The following RTRAF variants were observed in gnomAD, a reference collection of about 807,000 sequenced individuals.
RTRAF encodes RNA transcription, translation and transport factor, also known as tRNA-splicing ligase complex subunit RTRAF.
In RTRAF, 14 loss-of-function variants were observed where a neutral mutation model predicts 34.4. That is an observed-to-expected ratio of 0.41 (90% CI 0.27 to 0.64). RTRAF has a LOEUF of 0.64. Among genes scored for constraint, RTRAF ranks in the 30% least tolerant of loss-of-function variants. The pLI is 0.34. For missense variants in RTRAF, 291 were observed against 288.4 expected (o/e 1.01, Z -0.06); for synonymous variants, 96 against 95.3 (o/e 1.01, Z -0.04).
At position 52,010,687 on chromosome 14, in the gene RTRAF, T is replaced by A. The variant is rs917351838; in HGVS notation, c.*6171T>A. On this transcript the variant is annotated 3_prime_UTR_variant, in exon 8 of 8. Transcript: ENST00000261700. ...TCCTCCTAATAAAATATAAGTGCCA[T>A]GAAAGAACAGACCTTGTCTTTTCCT... 1 of 557,062 alleles carries A rather than the reference T, an allele frequency of 1.8e-6. No homozygotes were observed. The highest frequency in any genetic ancestry group is 3.2e-6 in the Non-Finnish European group (1 of 314,080). 34.5% of individuals were successfully genotyped at this position (557,062 alleles called of 1,614,324 possible). A position where few individuals can be genotyped will look rare whatever the true frequency, so the allele number is the denominator to read the frequency against.
In RTRAF at chr14:52,006,972, A is replaced by AG. The variant is rs1890809988; in HGVS notation, c.*2456_*2457insG. 4.8e-6 allele frequency: 1 copy of AG among 208,218 alleles called. No homozygotes were observed. The highest frequency in any genetic ancestry group is 2.3e-5 in the African/African-American group (1 of 43,122). The allele number at this position is 208,218 out of a possible 1,614,324, so 12.9% of individuals were successfully genotyped here. A position where few individuals can be genotyped will look rare whatever the true frequency, so the allele number is the denominator to read the frequency against. ...TTTCAAGCCTTAGCTTATAAATTAT[A>AG]ACATCTGGGTAAATACTTGCCCTTT... On this transcript the variant is annotated 3_prime_UTR_variant, in exon 8 of 8. Transcript: ENST00000261700.
rs1890942286 is a variant in RTRAF at position 52,009,914 on chromosome 14, G to A, written c.*5398G>A. Reference sequence around the variant, plus strand: ...AGGCAGGAGAATTGCTTGAACCCGGGAGATGGAGGTTGTAGTCAGCCGAGA... The same window carrying A: ...AGGCAGGAGAATTGCTTGAACCCGGAAGATGGAGGTTGTAGTCAGCCGAGA... On this transcript the variant is annotated 3_prime_UTR_variant, in exon 8 of 8. Transcript: ENST00000261700. 6.6e-6 allele frequency: 1 copy of A among 151,992 alleles called. No individual in the cohort carries two copies. The highest frequency in any genetic ancestry group is 1.5e-5 in the Non-Finnish European group (1 of 68,100). 9.4% of individuals were successfully genotyped at this position (151,992 alleles called of 1,614,324 possible). A position where few individuals can be genotyped will look rare whatever the true frequency, so the allele number is the denominator to read the frequency against.
intron 4 of RTRAF, 74 bp from the exon 5 acceptor site, chr14:51,999,634 G>A (rs1890571254): frequency 1.9e-6 from 2 of 1,044,130 alleles, no homozygotes; most frequent in African/African-American, 1.6e-5. Flanking sequence ...AAATGTTTTT[G>A]TATGTTCACA....
At position 52,005,016 on chromosome 14, in the gene RTRAF, G is replaced by GAAACTATAAATAATTGGTCCTTTC. The variant is rs2140334054; in HGVS notation, c.*501_*524dup. Reference sequence around the variant, plus strand: ...TAAAAAATCTTAGAACTTTTGTTGGGAAACTATAAATAATTGGTCCTTTCC... The same window carrying GAAACTATAAATAATTGGTCCTTTC: ...TAAAAAATCTTAGAACTTTTGTTGGGAAACTATAAATAATTGGTCCTTTCAAACTATAAATAATTGGTCCTTTCC... On this transcript the variant is annotated 3_prime_UTR_variant, in exon 8 of 8. Coordinates refer to ENST00000261700, the MANE Select transcript of RTRAF (RefSeq NM_016039.3). 6.4e-6 allele frequency: 1 copy of GAAACTATAAATAATTGGTCCTTTC among 157,390 alleles called. No individual in the cohort carries two copies. Among genetic ancestry groups the GAAACTATAAATAATTGGTCCTTTC allele is most frequent in the East Asian group, 1.9e-4 (1 of 5,284 alleles). The allele number at this position is 157,390 out of a possible 1,614,324, so 9.7% of individuals were successfully genotyped here. A position where few individuals can be genotyped will look rare whatever the true frequency, so the allele number is the denominator to read the frequency against.
Position 52,001,188 on chromosome 14 carries a change from T to C in RTRAF, c.463-610T>C, listed in dbSNP as rs537013733. Among the ~76,000 whole-genome samples the C allele has an allele frequency of 4.1e-4, 62 of 152,328 alleles. 1 individual carries two copies. Among genetic ancestry groups the C allele is most frequent in the African/African-American group, 1.5e-3 (61 of 41,574 alleles). ...TAAGTTTTCACACTTATTTTTGAGTTGTAATTGTCATCTTCCTAATTAAAA... is the reference window on the plus strand; with the variant it reads ...TAAGTTTTCACACTTATTTTTGAGTCGTAATTGTCATCTTCCTAATTAAAA... On this transcript the variant is annotated intron_variant, in intron 5 of 7. Coordinates refer to ENST00000261700, the MANE Select transcript of RTRAF (RefSeq NM_016039.3).
chr14:51,999,854 T>C (rs1169530908), intron 5 of RTRAF, 58 bp downstream of exon 5: 7 of 1,227,796 alleles, frequency 5.7e-6, no homozygotes, highest in Non-Finnish European at 8.2e-6. Flanking sequence ...AATGTCTTTA[T>C]TTTCTAAATA....
At position 52,008,182 on chromosome 14, in the gene RTRAF, TG is replaced by T. The variant is rs1156405146; in HGVS notation, c.*3668del. 1 of 450,400 alleles carries T rather than the reference TG, an allele frequency of 2.2e-6. No homozygotes were observed. Among genetic ancestry groups the T allele is most frequent in the African/African-American group, 2.0e-5 (1 of 49,638 alleles). The allele number at this position is 450,400 out of a possible 1,614,324, so 27.9% of individuals were successfully genotyped here. A position where few individuals can be genotyped will look rare whatever the true frequency, so the allele number is the denominator to read the frequency against. ...CTGCCGATATTCGGTCTCAAAAAAC[TG>T]GTTTCTGCCTTAGGGGCTCTCTCTT... On this transcript the variant is annotated 3_prime_UTR_variant, in exon 8 of 8. Transcript: ENST00000261700.
At chr14:52,002,209 A>G (rs1208951886) in intron 6 of RTRAF, among the ~76,000 whole-genome samples, 1 of 152,236 alleles carries the variant, frequency 6.6e-6, no homozygotes, top group African/African-American at 2.4e-5. Flanking sequence ...GCTGGAGAAG[A>G]AGGAACACAC....
rs1890815953 is a variant in RTRAF, at chr14:52,007,109, A to C, written c.*2593A>C. 6.5e-6 allele frequency: 1 copy of C among 154,820 alleles called. No homozygotes were observed. The highest frequency in any genetic ancestry group is 1.4e-5 in the Non-Finnish European group (1 of 69,624). 9.6% of individuals were successfully genotyped at this position (154,820 alleles called of 1,614,324 possible). On this transcript the variant is annotated 3_prime_UTR_variant, in exon 8 of 8. Transcript: ENST00000261700. ...TGACTAAAATGGTAACATAACTCAT[A>C]TTTCAATGTAAAGGAATCAGTCTTA...
chr14:51,993,879 G>A, intron 3 of RTRAF, 57 bp downstream of exon 3: 1 of 1,076,580 alleles, frequency 9.3e-7, no homozygotes, highest in Non-Finnish European at 1.4e-6. Flanking sequence ...GAAAGGGAGT[G>A]TGAAAATGTA....
At chr14:51,995,531 A>G (rs1260283349) in intron 3 of RTRAF, among the ~76,000 whole-genome samples, 1 of 152,172 alleles carries the variant, frequency 6.6e-6, no homozygotes, top group African/African-American at 2.4e-5. Context: ...CATGTAAGGT[A>G]ACACATACAC....
chr14:51,992,464 TTTG>T (rs1430404773), intron 2 of RTRAF, among the ~76,000 whole-genome samples: 1 of 152,188 alleles, frequency 6.6e-6, no homozygotes, highest in Non-Finnish European at 1.5e-5. Flanking sequence ...TAAGTGTGGC[TTTG>T]TTTTTAATGA....
intron 5 of RTRAF, 98 bp downstream of exon 5, chr14:51,999,894 A>G (rs1890575424): frequency 1.3e-6 from 1 of 782,812 alleles, no homozygotes; most frequent in East Asian, 2.7e-5. Context: ...TTATGGTTGA[A>G]TGACTAAAAT....
rs1197043521 is a variant in RTRAF, at chr14:52,005,952, G to GCCTT, written c.*1438_*1441dup. On this transcript the variant is annotated 3_prime_UTR_variant, in exon 8 of 8. Transcript: ENST00000261700. Reference sequence around the variant, plus strand: ...TTGCAATAGAGGAAAATTTCTGGCAGCCTTCTCTGTCCCAGGGCTGGTGCT... The same window carrying GCCTT: ...TTGCAATAGAGGAAAATTTCTGGCAGCCTTCCTTCTCTGTCCCAGGGCTGGTGCT... 1.3e-6 allele frequency: 1 copy of GCCTT among 798,548 alleles called. No individual in the cohort carries two copies. The highest frequency in any genetic ancestry group is 2.1e-6 in the Non-Finnish European group (1 of 468,068). 49.5% of individuals were successfully genotyped at this position (798,548 alleles called of 1,614,324 possible). A position where few individuals can be genotyped will look rare whatever the true frequency, so the allele number is the denominator to read the frequency against.
rs573889331 is a variant in RTRAF at position 52,004,313 on chromosome 14, T to A, written c.581-49T>A. On this transcript the variant is annotated intron_variant, in intron 7 of 7. Transcript: ENST00000261700. ...ATACTTGGGAGGAAATAAATGGCCT[T>A]AAATGTAAAAATTATGTATTGAAGC... The A allele has an allele frequency of 3.8e-5, 60 of 1,561,176 alleles. No homozygotes were observed. In the South Asian group the frequency reaches 5.5e-4, roughly 14 times the overall value.
rs1890929573 is a variant in RTRAF, at chr14:52,009,624, CCCAGACT to C, written c.*5114_*5120del. 1 of 152,048 alleles carries C rather than the reference CCCAGACT, an allele frequency of 6.6e-6. No individual in the cohort carries two copies. Among genetic ancestry groups the C allele is most frequent in the Admixed American group, 6.5e-5 (1 of 15,276 alleles). 9.4% of individuals were successfully genotyped at this position (152,048 alleles called of 1,614,324 possible). A position where few individuals can be genotyped will look rare whatever the true frequency, so the allele number is the denominator to read the frequency against. On this transcript the variant is annotated 3_prime_UTR_variant, in exon 8 of 8. Coordinates refer to ENST00000261700, the MANE Select transcript of RTRAF (RefSeq NM_016039.3). ...TTTCAGCTTAAAAGTATGCTTTTTC[CCCAGACT>C]CCAGAGACATGGCCAAAGTTTCATT... is the stretch of plus-strand genomic sequence containing the variant.
rs776962829 is a variant in RTRAF at position 51,993,821 on chromosome 14, T to C, written c.285T>C (p.Asn95=). ...GLAVRLEYGD[N]AEKYKDLVPD... is the part of the protein sequence containing the mutation. ...CTGTTAGACTTGAATATGGAGATAA[T>C]GGTACGTTTTGTGGGGAATGTGTAT... Residue 95 remains asparagine (N), a splice_region_variant and synonymous_variant, in exon 3 of 8, where the codon AAT becomes AAC. Transcript: ENST00000261700. The C allele has an allele frequency of 1.3e-6, 2 of 1,536,254 alleles. No individual in the cohort carries two copies. The highest frequency in any genetic ancestry group is 1.4e-5 in the African/African-American group (1 of 72,226).
intron 3 of RTRAF, chr14:51,997,777 GAT>G (rs1314266855): frequency 9.5e-6 from 1 of 105,776 alleles, no homozygotes; most frequent in East Asian, 4.1e-4. Flanking sequence ...TTCAAAAGAA[GAT>G]GGGGGGAAGC....
chr14:52,001,344 T>G (rs1450783274), intron 5 of RTRAF, among the ~76,000 whole-genome samples: 1 of 151,744 alleles, frequency 6.6e-6, no homozygotes, highest in African/African-American at 2.4e-5. Context: ...TTTACTAGAG[T>G]GAAGTGATAA....
Sources: gnomAD v4.1 joint callset for allele counts (sites outside exome capture counted in the v4.1 genomes callset) on GRCh38, gnomAD v4.1.1 for gene constraint, MANE v1.5 for transcripts, NCBI Gene and HGNC (gene_info 2026-07-23, HGNC 2026-07-21) for gene names.